Variants in UGGT2 observed in about 807,000 individuals in gnomAD.
UGGT2 encodes UDP-glucose:glycoprotein glucosyltransferase 2.
In UGGT2, 180 loss-of-function variants were observed where a neutral mutation model predicts 192.1. The ratio of observed to expected loss-of-function variants is 0.94; its 90% CI spans 0.83 to 1.06. The LOEUF (loss-of-function observed/expected upper bound fraction) is 1.06, where lower values mean the gene tolerates loss of function less well. Among genes scored for constraint, UGGT2 ranks in the 50% least tolerant of loss-of-function variants. The pLI is 0.00. For synonymous variants in UGGT2, 580 were observed against 591.0 expected, an observed-to-expected ratio of 0.98 and a Z score of 0.27; for missense variants, 1,849 against 1,795.7, an observed-to-expected ratio of 1.03 and a Z score of -0.54.
chr13:95,931,511 G>A (rs1250000164), intron 17 of UGGT2, among the ~76,000 whole-genome samples: 4 of 151,886 alleles, frequency 2.6e-5, no homozygotes, highest in African/African-American at 7.2e-5. Context: ...GGGGAGGCTC[G>A]GGCTGCGCAA....
intron 20 of UGGT2, among the ~76,000 whole-genome samples, chr13:95,914,366 C>G (rs1220967086): frequency 6.6e-6 from 1 of 151,800 alleles, no homozygotes; most frequent in African/African-American, 2.4e-5. Context: ...CAGAAGAAAG[C>G]AAGCTACAAA....
chr13:95,851,523 G>A (rs1889035272), intron 36 of UGGT2, among the ~76,000 whole-genome samples: 1 of 152,190 alleles, frequency 6.6e-6, no homozygotes, highest in South Asian at 2.1e-4. Flanking sequence ...GGGAAAGCCA[G>A]GGATGTCAAA....
intron 4 of UGGT2, among the ~76,000 whole-genome samples, chr13:96,017,207 G>A (rs2052365947): frequency 6.6e-6 from 1 of 152,184 alleles, no homozygotes; most frequent in South Asian, 2.1e-4. Flanking sequence ...CATTGGACTT[G>A]ATGTTGGAAC....
At chr13:96,025,743 C>G (rs1209393166) in intron 2 of UGGT2, among the ~76,000 whole-genome samples, 1 of 151,850 alleles carries the variant, frequency 6.6e-6, no homozygotes, top group South Asian at 2.1e-4. Context: ...ACAAAAAGCT[C>G]AGAAATGAGA....
chr13:95,985,065 CAG>C (rs2051247245), intron 9 of UGGT2: 1 of 185,358 alleles, frequency 5.4e-6, no homozygotes, highest in Non-Finnish European at 1.1e-5. Flanking sequence ...AGATTAACAG[CAG>C]AGTTTTGCAT....
intron 33 of UGGT2, among the ~76,000 whole-genome samples, chr13:95,857,387 A>G (rs536838241): frequency 6.6e-6 from 1 of 152,268 alleles, no homozygotes; most frequent in Admixed American, 6.5e-5. Flanking sequence ...TGAGGCTTGT[A>G]TTTTAGAGGA....
At chr13:95,873,354 T>C (rs1242517195) in intron 29 of UGGT2, among the ~76,000 whole-genome samples, 1 of 152,238 alleles carries the variant, frequency 6.6e-6, no homozygotes, top group Admixed American at 6.5e-5. Flanking sequence ...TCTACTGGAA[T>C]GAGTTTTGGG....
chr13:96,029,474 C>CG (rs1284903495), intron 2 of UGGT2, among the ~76,000 whole-genome samples: 11 of 151,896 alleles, frequency 7.2e-5, no homozygotes, highest in African/African-American at 1.2e-4. Flanking sequence ...TCAGTAGAGA[C>CG]GGGGTCTCAC....
chr13:96,001,544 G>A (rs1471029239), intron 5 of UGGT2, among the ~76,000 whole-genome samples: 1 of 152,046 alleles, frequency 6.6e-6, no homozygotes, highest in Non-Finnish European at 1.5e-5. Context: ...ACACGGACGC[G>A]CATGAAACTC....
At chr13:95,973,305 TAAGA>T (rs2050835262) in intron 10 of UGGT2, among the ~76,000 whole-genome samples, 1 of 152,206 alleles carries the variant, frequency 6.6e-6, no homozygotes, top group Admixed American at 6.5e-5. Context: ...GGGGGAATCT[TAAGA>T]TAGATTAGAG....
intron 5 of UGGT2, among the ~76,000 whole-genome samples, chr13:96,005,161 T>C (rs1354444151): frequency 6.6e-6 from 1 of 152,192 alleles, no homozygotes; most frequent in African/African-American, 2.4e-5. Context: ...CTTTTTGTAT[T>C]AGAAAATTTT....
intron 4 of UGGT2, among the ~76,000 whole-genome samples, chr13:96,015,122 C>T (rs984879425): frequency 1.3e-5 from 2 of 151,502 alleles, no homozygotes; most frequent in African/African-American, 4.9e-5. Flanking sequence ...ACCAAAAATA[C>T]AAAAAATTAG....
chr13:95,983,782 T>TA (rs910128682), intron 10 of UGGT2, 22 bp downstream of exon 10: 10 of 1,493,320 alleles, frequency 6.7e-6, no homozygotes, highest in Admixed American at 6.3e-5. Context: ...GTAAATGTTT[T>TA]AAAAAAGGAA....
At position 95,837,176 on chromosome 13, in the gene UGGT2, T is replaced by G. The variant is rs2139915386; in HGVS notation, c.4311A>C (p.Gln1437His). 1 of 1,613,886 alleles carries G rather than the reference T, an allele frequency of 6.2e-7. No homozygotes were observed. Among genetic ancestry groups the G allele is most frequent in the South Asian group, 1.1e-5 (1 of 91,072 alleles). The change falls in exon 37 of 39, where the codon CAA becomes CAC. Residue 1437 changes from glutamine (Q) to histidine (H), a missense_variant. Physicochemically the swap from Gln to His is conservative, Grantham distance 24 (BLOSUM62 0). Coordinates refer to ENST00000376747, the MANE Select transcript of UGGT2 (RefSeq NM_020121.4). ...CTTGAGGAAGAGACTTAATGGCGAC[T>G]TGGTAAATCATATTATTGGGGAGAT... ...DQDLPNNMIY[Q>H]VAIKSLPQDW... is the part of the protein sequence containing the mutation.
chr13:95,845,221 G>A (rs1054162425), intron 36 of UGGT2, among the ~76,000 whole-genome samples: 4 of 151,476 alleles, frequency 2.6e-5, no homozygotes, highest in African/African-American at 9.7e-5. Flanking sequence ...GGTGTTTCTC[G>A]GAGAGCGGGA....
chr13:96,016,727 G>C (rs2052349670), intron 4 of UGGT2, among the ~76,000 whole-genome samples: 1 of 152,232 alleles, frequency 6.6e-6, no homozygotes, highest in South Asian at 2.1e-4. Context: ...GGAAATGTGG[G>C]GTTGGAACGC....
intron 10 of UGGT2, among the ~76,000 whole-genome samples, chr13:95,977,034 T>C (rs2050960055): frequency 6.6e-6 from 1 of 152,266 alleles, no homozygotes; most frequent in South Asian, 2.1e-4. Flanking sequence ...CCTTACACCT[T>C]ATACAAAAAC....
intron 1 of UGGT2, among the ~76,000 whole-genome samples, chr13:96,048,651 G>T (rs931037204): frequency 2.0e-5 from 3 of 152,128 alleles, no homozygotes; most frequent in Non-Finnish European, 2.9e-5. Context: ...TGATAAAGGG[G>T]ATATCACTAC....
At chr13:95,919,850 G>A (rs1443647049) in intron 20 of UGGT2, among the ~76,000 whole-genome samples, 1 of 152,028 alleles carries the variant, frequency 6.6e-6, no homozygotes, top group African/African-American at 2.4e-5. Flanking sequence ...TTTAGAAAAA[G>A]TGATTTTAAA....
Sources: gnomAD v4.1 joint callset for allele counts (sites outside exome capture counted in the v4.1 genomes callset) on GRCh38, gnomAD v4.1.1 for gene constraint, MANE v1.5 for transcripts, NCBI Gene and HGNC (gene_info 2026-07-23, HGNC 2026-07-21) for gene names.